CASD1: variants seen among roughly 807,000 people sequenced by gnomAD.
CASD1 encodes N-acetylneuraminate (7)9-O-acetyltransferase.
A neutral mutation model predicts 100.0 loss-of-function variants in CASD1; 41 were observed. That is an observed-to-expected ratio of 0.41 (90% CI 0.32 to 0.53). The LOEUF is 0.53. Ranked by LOEUF, CASD1 falls within the 20% of genes least tolerant of loss-of-function variation. The pLI is 0.25. For synonymous variants in CASD1, 321 were observed against 315.6 expected (o/e 1.02, Z -0.18); for missense variants, 774 against 948.7 (o/e 0.82, Z 2.42).
intron 10 of CASD1, among the ~76,000 whole-genome samples, chr7:94,541,815 A>G (rs921454258): frequency 2.6e-5 from 4 of 152,088 alleles, no homozygotes; most frequent in Non-Finnish European, 4.4e-5. Flanking sequence ...TATGGTAATG[A>G]TAATGTGGTC....
chr7:94,622,716 A>C, the CASD1 span: 1 of 152,114 alleles, frequency 6.6e-6, no homozygotes, highest in African/African-American at 2.4e-5. Flanking sequence ...AATTCTGAGA[A>C]TACTTCCTTA....
At chr7:94,570,775 A>G in the CASD1 span, among the ~76,000 whole-genome samples, 1 of 152,192 alleles carries the variant, frequency 6.6e-6, no homozygotes. Context: ...GATTACAGGA[A>G]TGAGTCACAT....
the CASD1 span, chr7:94,618,790 C>T: frequency 6.2e-7 from 1 of 1,613,918 alleles, no homozygotes; most frequent in African/African-American, 1.3e-5. Flanking sequence ...GAAGTGGCAC[C>T]CTGCCACCCC....
At chr7:94,553,057 T>C (rs1796027087) in intron 16 of CASD1, 3 of 330,252 alleles carry the variant, frequency 9.1e-6, no homozygotes, top group East Asian at 7.8e-5. Context: ...TTTAGCGTTG[T>C]ACAACTTATG....
intron 7 of CASD1, among the ~76,000 whole-genome samples, chr7:94,534,440 G>C (rs984830712): frequency 6.6e-6 from 1 of 151,892 alleles, no homozygotes; most frequent in African/African-American, 2.4e-5. Context: ...AAAGTCATTA[G>C]AAGTAAATAT....
intron 6 of CASD1, 89 bp from the exon 7 acceptor site, chr7:94,533,590 A>G: frequency 1.0e-6 from 1 of 952,480 alleles, no homozygotes; most frequent in African/African-American, 1.7e-5. Context: ...AATATCTAAA[A>G]TAATAACACT....
At chr7:94,578,718 T>C in the CASD1 span, among the ~76,000 whole-genome samples, 2 of 152,148 alleles carry the variant, frequency 1.3e-5, no homozygotes, top group Admixed American at 1.3e-4. Flanking sequence ...GGCTGGAAAT[T>C]AGAGCAGAAA....
chr7:94,551,156 TC>T (rs767571531), intron 14 of CASD1, among the ~76,000 whole-genome samples, 181 bp from the exon 15 acceptor site: 14 of 152,198 alleles, frequency 9.2e-5, no homozygotes, highest in Admixed American at 1.3e-4. Context: ...GCTGATGGTT[TC>T]TAACAATCAT....
chr7:94,571,174 G>A, the CASD1 span, among the ~76,000 whole-genome samples: 1 of 151,842 alleles, frequency 6.6e-6, no homozygotes, highest in African/African-American at 2.4e-5. Flanking sequence ...CTCCCAAGTA[G>A]CTGGTACCAC....
rs191902579 is a variant in CASD1, at chr7:94,516,881, C to T, written c.134-679C>T. Among the ~76,000 whole-genome samples, 319 of 151,376 alleles carry T rather than the reference C, an allele frequency of 2.1e-3. 1 individual carries two copies. The highest frequency in any genetic ancestry group is 6.9e-3 in the African/African-American group (284 of 41,260). The stretch of plus-strand genomic sequence containing the variant: ...TTGAATAGGAAGTCATTTCCAAAGT[C>T]GTGTCTTTTATCCCTTAAACTTTTT... On this transcript the variant is annotated intron_variant, in intron 1 of 17. Transcript: ENST00000297273.
the CASD1 span, chr7:94,598,869 G>A: frequency 6.2e-7 from 1 of 1,612,170 alleles, no homozygotes; most frequent in South Asian, 1.1e-5. Flanking sequence ...AACACAGGAA[G>A]CGTTGACAGG....
At chr7:94,567,500 T>C in the CASD1 span, among the ~76,000 whole-genome samples, 1 of 152,162 alleles carries the variant, frequency 6.6e-6, no homozygotes, top group East Asian at 1.9e-4. Flanking sequence ...TACTTCATTT[T>C]TGGCAAGGTA....
the CASD1 span, among the ~76,000 whole-genome samples, chr7:94,596,422 C>G: frequency 6.6e-6 from 1 of 152,080 alleles, no homozygotes; most frequent in African/African-American, 2.4e-5. Flanking sequence ...TCAAGTTCCC[C>G]TACTCATTAT....
chr7:94,517,516 A>C, intron 1 of CASD1, 44 bp from the exon 2 acceptor site: 1 of 1,278,164 alleles, frequency 7.8e-7, no homozygotes, highest in Non-Finnish European at 1.1e-6. Context: ...GATGTGTAAA[A>C]TTTTAACTAT....
the CASD1 span, chr7:94,594,311 T>C: frequency 6.6e-6 from 1 of 152,076 alleles, no homozygotes; most frequent in Non-Finnish European, 1.5e-5. Flanking sequence ...CAAATGTCTA[T>C]AGGGGAAAAA....
At chr7:94,533,925 C>G in intron 7 of CASD1, 123 bp downstream of exon 7, 1 of 937,660 alleles carries the variant, frequency 1.1e-6, no homozygotes. Context: ...ACAAGATTTG[C>G]AAGATTAGAG....
intron 11 of CASD1, 49 bp downstream of exon 11, chr7:94,544,579 T>G (rs1391907934): frequency 3.8e-6 from 6 of 1,574,422 alleles, no homozygotes; most frequent in Non-Finnish European, 4.3e-6. Flanking sequence ...CATACTTTCT[T>G]GAGAAAGCAT....
the CASD1 span, among the ~76,000 whole-genome samples, chr7:94,579,903 T>G: frequency 6.6e-6 from 1 of 152,232 alleles, no homozygotes; most frequent in Non-Finnish European, 1.5e-5. Context: ...ATCCTGATTC[T>G]CATCCACTAT....
chr7:94,577,835 C>G, the CASD1 span, among the ~76,000 whole-genome samples: 1 of 152,148 alleles, frequency 6.6e-6, no homozygotes, highest in Non-Finnish European at 1.5e-5. Flanking sequence ...CAAATAAAGA[C>G]AACTTTGCAA....
Sources: allele counts gnomAD v4.1 joint callset (sites outside exome capture counted in the v4.1 genomes callset), GRCh38; gene constraint gnomAD v4.1.1; transcripts MANE v1.5; gene names NCBI Gene and HGNC (gene_info 2026-07-23, HGNC 2026-07-21).